NFATC3: variants seen among roughly 807,000 people sequenced by gnomAD.
NFATC3 encodes nuclear factor of activated T-cells, cytoplasmic 3.
In NFATC3, 46 loss-of-function variants were observed where a neutral mutation model predicts 98.6. The ratio of observed to expected loss-of-function variants is 0.47; its 90% CI spans 0.37 to 0.60. The LOEUF (loss-of-function observed/expected upper bound fraction) is 0.60. Among genes scored for constraint, NFATC3 ranks in the 20% least tolerant of loss-of-function variants. The pLI, the probability that NFATC3 is intolerant of heterozygous loss-of-function variation, is 0.00. For synonymous variants in NFATC3, 512 were observed against 472.2 expected, an observed-to-expected ratio of 1.08 and a Z score of -1.09; for missense variants, 1,256 against 1,295.5, an observed-to-expected ratio of 0.97 and a Z score of 0.47.
intron 3 of NFATC3, among the ~76,000 whole-genome samples, chr16:68,143,847 A>T (rs1266037012): frequency 6.6e-6 from 1 of 152,182 alleles, no homozygotes; most frequent in African/African-American, 2.4e-5. Flanking sequence ...GCGAGACTCC[A>T]TCTCAAAAAA....
intron 4 of NFATC3, among the ~76,000 whole-genome samples, chr16:68,165,247 C>G (rs2039131091): frequency 6.6e-6 from 1 of 151,996 alleles, no homozygotes; most frequent in South Asian, 2.1e-4. Context: ...CTATAAATGG[C>G]AAATGCTTTT....
In NFATC3 at chr16:68,153,667, A is replaced by C. The variant is rs184040370; in HGVS notation, c.1402-4202A>C. On this transcript the variant is annotated intron_variant, in intron 3 of 9. Transcript: ENST00000346183. ...CTCGCTCTGTCGCCCAAGCTGGAGT[A>C]CAGTGGCCCGATCTCAGCTCACTGC... Among the ~76,000 whole-genome samples, 416 of 152,150 alleles carry C rather than the reference A, an allele frequency of 2.7e-3. 3 individuals carry two copies. Among genetic ancestry groups the C allele is most frequent in the African/African-American group, 9.6e-3 (399 of 41,514 alleles).
chr16:68,111,196 A>G (rs1286232509), intron 1 of NFATC3, among the ~76,000 whole-genome samples: 1 of 152,174 alleles, frequency 6.6e-6, no homozygotes, highest in Non-Finnish European at 1.5e-5. Flanking sequence ...TTTTGTCTCG[A>G]TGATCTGTCT....
intron 3 of NFATC3, among the ~76,000 whole-genome samples, chr16:68,127,248 T>C (rs577936473): frequency 6.6e-6 from 1 of 151,750 alleles, no homozygotes; most frequent in South Asian, 2.1e-4. Context: ...ATCAGAAAAA[T>C]AGGAAGGATA....
intron 3 of NFATC3, among the ~76,000 whole-genome samples, chr16:68,126,815 T>A (rs1471175140): frequency 6.6e-6 from 1 of 152,210 alleles, no homozygotes; most frequent in East Asian, 1.9e-4. Flanking sequence ...GGACTGACTT[T>A]CCTTCTGGGG....
intron 8 of NFATC3, among the ~76,000 whole-genome samples, chr16:68,189,593 G>A (rs2040352372): frequency 6.6e-6 from 1 of 152,090 alleles, no homozygotes; most frequent in Non-Finnish European, 1.5e-5. Context: ...GATCACTTTG[G>A]AGAGTGTTGT....
intron 1 of NFATC3, 79 bp downstream of exon 1, chr16:68,085,863 T>A: frequency 1.8e-6 from 2 of 1,125,040 alleles, no homozygotes; most frequent in South Asian, 1.8e-5. Flanking sequence ...CCTGTTCCCT[T>A]GGATGACCGG....
chr16:68,228,753 C>G lies in NFATC3; in HGVS notation c.*2282C>G, dbSNP rs948160064. ...TGCAAATCAATTTCTACTAGCAGCACTGAGCAACTGGGCACGTGCTAGTAC... is the reference window on the plus strand; with the variant it reads ...TGCAAATCAATTTCTACTAGCAGCAGTGAGCAACTGGGCACGTGCTAGTAC... On this transcript the variant is annotated 3_prime_UTR_variant, in exon 10 of 10. Transcript: ENST00000346183. 4 of 152,588 alleles carry G rather than the reference C, an allele frequency of 2.6e-5. No individual in the cohort carries two copies. Among genetic ancestry groups the G allele is most frequent in the Non-Finnish European group, 5.9e-5 (4 of 68,048 alleles). The allele number at this position is 152,588 out of a possible 1,614,324, so 9.5% of individuals were successfully genotyped here.
intron 9 of NFATC3, among the ~76,000 whole-genome samples, chr16:68,205,718 TA>T (rs2041119879): frequency 6.6e-6 from 1 of 152,178 alleles, no homozygotes; most frequent in African/African-American, 2.4e-5. Flanking sequence ...TTTTTCCCCT[TA>T]TTTTTACTAG....
intron 3 of NFATC3, among the ~76,000 whole-genome samples, chr16:68,145,584 C>T (rs1279689366): frequency 6.6e-6 from 1 of 152,134 alleles, no homozygotes; most frequent in East Asian, 1.9e-4. Context: ...GACAGTTCTC[C>T]ATAGACTTAT....
intron 9 of NFATC3, chr16:68,221,180 T>C (rs762963904): frequency 2.1e-5 from 34 of 1,612,628 alleles, no homozygotes; most frequent in Admixed American, 1.7e-4. Flanking sequence ...TGACTTACAT[T>C]TACATTACAT....
chr16:68,097,647 T>G (rs1050322956), intron 1 of NFATC3, among the ~76,000 whole-genome samples: 2 of 152,074 alleles, frequency 1.3e-5, no homozygotes, highest in African/African-American at 4.8e-5. Flanking sequence ...TGTCACAGAG[T>G]TAAATTAGAC....
At chr16:68,090,416 T>A (rs1014252858) in intron 1 of NFATC3, among the ~76,000 whole-genome samples, 2 of 150,980 alleles carry the variant, frequency 1.3e-5, no homozygotes, top group African/African-American at 4.9e-5. Context: ...AATTAAAACA[T>A]TGAGAGATAG....
chr16:68,126,103 C>T (rs143076641), intron 2 of NFATC3, among the ~76,000 whole-genome samples: 100 of 152,120 alleles, frequency 6.6e-4, no homozygotes, highest in African/African-American at 1.9e-3. Context: ...AGGCTGGTCT[C>T]GAACTCCTGA....
At chr16:68,198,866 G>T (rs761761788) in intron 9 of NFATC3, among the ~76,000 whole-genome samples, 2 of 152,160 alleles carry the variant, frequency 1.3e-5, no homozygotes, top group Non-Finnish European at 2.9e-5. Context: ...GGCCAACATG[G>T]TGAAACCCCG....
At position 68,226,644 on chromosome 16, in the gene NFATC3, C is replaced by T. The variant is rs533419723; in HGVS notation, c.*173C>T. 9.4e-6 allele frequency: 6 copies of T among 636,668 alleles called. No homozygotes were observed. The South Asian group carries it at 2.1e-4, about 22-fold the overall frequency. 39.4% of individuals were successfully genotyped at this position (636,668 alleles called of 1,614,324 possible). Reference sequence around the variant, plus strand: ...GCCTTGGGTAGATTTGGCAAAAGAACAGGAGCAGCATAGGCTGTTTGAGCT... The same window carrying T: ...GCCTTGGGTAGATTTGGCAAAAGAATAGGAGCAGCATAGGCTGTTTGAGCT... On this transcript the variant is annotated 3_prime_UTR_variant, in exon 10 of 10. Coordinates refer to ENST00000346183, the MANE Select transcript of NFATC3 (RefSeq NM_173165.3).
chr16:68,174,691 A>G (rs903506145), intron 6 of NFATC3, among the ~76,000 whole-genome samples, 177 bp downstream of exon 6: 1 of 152,194 alleles, frequency 6.6e-6, no homozygotes, highest in Non-Finnish European at 1.5e-5. Flanking sequence ...ATGTTAAATT[A>G]TCTTTAAGGA....
chr16:68,159,996 T>C (rs2038813417), intron 4 of NFATC3, among the ~76,000 whole-genome samples: 1 of 151,888 alleles, frequency 6.6e-6, no homozygotes, highest in Non-Finnish European at 1.5e-5. Context: ...GAGAATTGCT[T>C]GAACCCCAGA....
chr16:68,145,242 C>T (rs2037984387), intron 3 of NFATC3, among the ~76,000 whole-genome samples: 1 of 152,054 alleles, frequency 6.6e-6, no homozygotes, highest in Admixed American at 6.6e-5. Flanking sequence ...CTCACAGGCC[C>T]AAGCCGTCCT....
Sources: allele counts gnomAD v4.1 joint callset (sites outside exome capture counted in the v4.1 genomes callset), GRCh38; gene constraint gnomAD v4.1.1; transcripts MANE v1.5; gene names NCBI Gene and HGNC (gene_info 2026-07-23, HGNC 2026-07-21).